Variants in MTOR observed in about 807,000 individuals in gnomAD.
MTOR encodes serine/threonine-protein kinase mTOR.
Under a neutral mutation model 319.8 loss-of-function variants are expected in MTOR, and 70 were observed. That is an observed-to-expected ratio of 0.22 (90% CI 0.18 to 0.27). MTOR has a LOEUF of 0.27. Ranked by LOEUF, MTOR falls within the 10% of genes least tolerant of loss-of-function variation. MTOR has a pLI of 1.00. For missense variants in MTOR, 1,890 were observed against 3,274.4 expected (o/e 0.58, Z 10.32); for synonymous variants, 1,183 against 1,211.4 (o/e 0.98, Z 0.49).
chr1:11,208,119 C>T (rs753693574), intron 25 of MTOR, among the ~76,000 whole-genome samples: 2 of 152,228 alleles, frequency 1.3e-5, no homozygotes, highest in Non-Finnish European at 2.9e-5. Context: ...TCCTGCCTGG[C>T]CCCTCCCTCC....
chr1:11,162,304 A>T lies in MTOR; in HGVS notation c.4330-5013T>A, dbSNP rs150660105. On this transcript the variant is annotated intron_variant, in intron 29 of 57. Coordinates refer to ENST00000361445, the MANE Select transcript of MTOR (RefSeq NM_004958.4). ...TGTGAAAAGACCAAATCTACGTCTG[A>T]CTGGTGTACCTGAAAGTGACGGGGA... is the stretch of plus-strand genomic sequence containing the variant. Among the ~76,000 whole-genome samples, 7 of 152,370 alleles carry T rather than the reference A, an allele frequency of 4.6e-5. No individual in the cohort carries two copies. The East Asian group carries it at 1.3e-3, about 29-fold the overall frequency.
chr1:11,170,310 AATC>A (rs1644772593), intron 28 of MTOR, among the ~76,000 whole-genome samples: 14 of 151,104 alleles, frequency 9.3e-5, no homozygotes, highest in African/African-American at 3.5e-4. Context: ...CTTTGTGCCC[AATC>A]ACATGGGGCT....
intron 19 of MTOR, among the ~76,000 whole-genome samples, chr1:11,226,630 T>C (rs1646847258): frequency 6.6e-6 from 1 of 151,650 alleles, no homozygotes; most frequent in African/African-American, 2.4e-5. Flanking sequence ...AAAAATCAGC[T>C]GGGTGTGGTT....
intron 29 of MTOR, among the ~76,000 whole-genome samples, chr1:11,164,139 T>C (rs1215310266): frequency 1.3e-5 from 2 of 151,578 alleles, no homozygotes; most frequent in Admixed American, 1.3e-4. Context: ...GGTCAGGAGA[T>C]CAAGACCATC....
intron 11 of MTOR, among the ~76,000 whole-genome samples, 185 bp from the exon 12 acceptor site, chr1:11,238,802 G>A (rs1389518635): frequency 1.4e-5 from 2 of 147,028 alleles, no homozygotes; most frequent in African/African-American, 2.5e-5. Context: ...TTGCTCTGTC[G>A]CCCAGGCTGG....
At chr1:11,175,383 CT>C (rs1358277667) in intron 28 of MTOR, among the ~76,000 whole-genome samples, 2 of 152,160 alleles carry the variant, frequency 1.3e-5, no homozygotes, top group Non-Finnish European at 2.9e-5. Context: ...AGATTGAATT[CT>C]GATTAAAGGA....
chr1:11,244,224 G>C (rs1225396301), intron 8 of MTOR, among the ~76,000 whole-genome samples: 4 of 141,580 alleles, frequency 2.8e-5, no homozygotes, highest in African/African-American at 1.0e-4. Flanking sequence ...CCCGGGAGGC[G>C]GAGGTTGCGG....
At chr1:11,205,687 G>A (rs749909883) in intron 25 of MTOR, among the ~76,000 whole-genome samples, 1 of 152,130 alleles carries the variant, frequency 6.6e-6, no homozygotes, top group South Asian at 2.1e-4. Flanking sequence ...TGGCTTAGCC[G>A]GAATAAAGGA....
At chr1:11,219,182 C>G (rs1646576748) in intron 19 of MTOR, among the ~76,000 whole-genome samples, 2 of 151,754 alleles carry the variant, frequency 1.3e-5, no homozygotes, top group South Asian at 4.2e-4. Context: ...TCACTGCGCT[C>G]CAGCCTGGGC....
chr1:11,259,690 T>C (rs1225880806), intron 1 of MTOR, among the ~76,000 whole-genome samples: 2 of 152,158 alleles, frequency 1.3e-5, no homozygotes, highest in Non-Finnish European at 2.9e-5. Context: ...GTTATATACC[T>C]TGAGCAGTTT....
At chr1:11,160,976 C>T (rs1024051973) in intron 29 of MTOR, among the ~76,000 whole-genome samples, 3 of 152,138 alleles carry the variant, frequency 2.0e-5, no homozygotes, top group Non-Finnish European at 4.4e-5. Context: ...TAAGCCAAAG[C>T]AGGGTGAGGC....
rs1055376107 is a variant in MTOR at position 11,193,630 on chromosome 1, A to T, written c.4253+5628T>A. On this transcript the variant is annotated intron_variant, in intron 28 of 57. Transcript: ENST00000361445. The stretch of plus-strand genomic sequence containing the variant: ...GCGGAGGCTGGACCATCATCCAGAG[A>T]CGAAAAAGTGGCCTTGTCTCCTTCT... 4 of 1,612,758 alleles carry T rather than the reference A, an allele frequency of 2.5e-6. No individual in the cohort carries two copies. In the African/African-American group the frequency reaches 4.0e-5, roughly 16 times the overall value.
At chr1:11,163,459 C>T (rs1442534577) in intron 29 of MTOR, among the ~76,000 whole-genome samples, 1 of 152,218 alleles carries the variant, frequency 6.6e-6, no homozygotes, top group African/African-American at 2.4e-5. Flanking sequence ...GAACTCTCCA[C>T]CCCAAATCAA....
At chr1:11,209,233 A>C in intron 25 of MTOR, 79 bp downstream of exon 25, 1 of 1,557,020 alleles carries the variant, frequency 6.4e-7, no homozygotes, top group South Asian at 1.2e-5. Flanking sequence ...TCGGTTGCCC[A>C]GTTTAAACAG....
intron 29 of MTOR, among the ~76,000 whole-genome samples, chr1:11,158,272 G>A (rs1571022268): frequency 2.0e-5 from 3 of 152,216 alleles, no homozygotes; most frequent in Admixed American, 1.3e-4. Flanking sequence ...ATAATGCAGG[G>A]CCCACACTAG....
In MTOR at chr1:11,199,206, AAG is replaced by A; in HGVS notation, c.4253+50_4253+51del. 1.2e-6 allele frequency: 2 copies of A among 1,612,648 alleles called. No homozygotes were observed. Among genetic ancestry groups the A allele is most frequent in the Non-Finnish European group, 1.7e-6 (2 of 1,178,792 alleles). On this transcript the variant is annotated intron_variant, in intron 28 of 57. Coordinates refer to ENST00000361445, the MANE Select transcript of MTOR (RefSeq NM_004958.4). This position sits in a 1 kb window ranked among gnomAD's most constrained non-coding sequence, Gnocchi z 4.5. The stretch of plus-strand genomic sequence containing the variant: ...GTGAAGTGGCACCAGGCAGTGGGAG[AAG>A]AGAGGTCATTTTGCATGAAGGCAGC...
At chr1:11,175,301 CA>C (rs1348813474) in intron 28 of MTOR, among the ~76,000 whole-genome samples, 3 of 152,174 alleles carry the variant, frequency 2.0e-5, no homozygotes, top group Non-Finnish European at 2.9e-5. Context: ...ATCTGGGTAT[CA>C]GGGGCAGAAG....
In MTOR at chr1:11,144,652, A is replaced by C. The variant is rs1557770789; in HGVS notation, c.4868T>G (p.Leu1623Arg). Residue 1623 changes from leucine to arginine, a missense_variant, in exon 34 of 58, where the codon CTG becomes CGG. By Grantham distance (102) the Leu-to-Arg change is moderately radical. Coordinates refer to ENST00000361445, the MANE Select transcript of MTOR (RefSeq NM_004958.4). ...GGGGCTTTCTACCAAGCTCACCTGC[A>C]GTCTCTCCCACCAGATCTGGCGGAT... is the stretch of plus-strand genomic sequence containing the variant. ...EIIRQIWWER[L>R]QGCQRIVEDW... 2 of 1,614,072 alleles carry C rather than the reference A, an allele frequency of 1.2e-6. No individual in the cohort carries two copies.
chr1:11,161,021 A>T (rs1644461801), intron 29 of MTOR, among the ~76,000 whole-genome samples: 1 of 152,196 alleles, frequency 6.6e-6, no homozygotes, highest in Admixed American at 6.5e-5. Flanking sequence ...GGGTCAGGGA[A>T]TTCCCTTTCC....
Sources: gnomAD v4.1 joint callset for allele counts (sites outside exome capture counted in the v4.1 genomes callset) on GRCh38, gnomAD v4.1.1 for gene constraint, Gnocchi (gnomAD v3.1) non-coding constraint, MANE v1.5 for transcripts, NCBI Gene and HGNC (gene_info 2026-07-23, HGNC 2026-07-21) for gene names.